Variants in CCBE1 observed in about 807,000 individuals in gnomAD.
CCBE1 encodes collagen and calcium-binding EGF domain-containing protein 1.
In CCBE1, 37 loss-of-function variants were observed where a neutral mutation model predicts 50.0. The observed-to-expected ratio is 0.74, with a 90% confidence interval of 0.57 to 0.97. The LOEUF is 0.97. CCBE1 is among the 50% of genes least tolerant of loss of function. The probability of loss-of-function intolerance (pLI) is 0.00; values close to 1 mark genes in which losing one functional copy is unlikely to be tolerated. For synonymous variants in CCBE1, 234 were observed against 203.7 expected, an observed-to-expected ratio of 1.15 and a Z score of -1.27; for missense variants, 538 against 523.8, an observed-to-expected ratio of 1.03 and a Z score of -0.26.
chr18:59,639,066 G>A (rs1293424266), intron 2 of CCBE1, among the ~76,000 whole-genome samples: 3 of 152,158 alleles, frequency 2.0e-5, no homozygotes, highest in Admixed American at 2.0e-4. Flanking sequence ...TTGGGCCCAG[G>A]AGTTTGAGAC....
intron 2 of CCBE1, among the ~76,000 whole-genome samples, chr18:59,522,782 G>C (rs1006589532): frequency 7.9e-5 from 12 of 152,048 alleles, no homozygotes; most frequent in Non-Finnish European, 1.0e-4. Flanking sequence ...GAGGTCAGGA[G>C]ATCAAGACCA....
chr18:59,597,736 G>C (rs1330135623), intron 2 of CCBE1, among the ~76,000 whole-genome samples: 1 of 152,140 alleles, frequency 6.6e-6, no homozygotes, highest in African/African-American at 2.4e-5. Context: ...GCCCACCTCT[G>C]TGTTGGCTTC....
At chr18:59,627,631 G>A (rs959145006) in intron 2 of CCBE1, among the ~76,000 whole-genome samples, 2 of 152,164 alleles carry the variant, frequency 1.3e-5, no homozygotes, top group Non-Finnish European at 2.9e-5. Context: ...AACCCAGAAA[G>A]AATTCCATGT....
chr18:59,653,954 T>A (rs2054156391), intron 2 of CCBE1, among the ~76,000 whole-genome samples: 1 of 152,206 alleles, frequency 6.6e-6, no homozygotes, highest in African/African-American at 2.4e-5. Context: ...ATAAAACTAC[T>A]GATGCTAGAG....
chr18:59,463,858 T>C (rs1315176562), intron 5 of CCBE1, among the ~76,000 whole-genome samples: 2 of 152,140 alleles, frequency 1.3e-5, no homozygotes, highest in Admixed American at 6.5e-5. Flanking sequence ...AAAGAGACAA[T>C]GGACTTGCCA....
Position 59,579,828 on chromosome 18 carries a change from C to T in CCBE1, c.213-99590G>A, listed in dbSNP as rs530555040. ...TACTGGCACATGCTGACCTGACTTCCCCGACTGAGACAGAACACACCTCGA... is the reference window on the plus strand; with the variant it reads ...TACTGGCACATGCTGACCTGACTTCTCCGACTGAGACAGAACACACCTCGA... On this transcript the variant is annotated intron_variant, in intron 2 of 10. Coordinates refer to ENST00000439986, the MANE Select transcript of CCBE1 (RefSeq NM_133459.4). Among the ~76,000 whole-genome samples, 4 of 152,256 alleles carry T rather than the reference C, an allele frequency of 2.6e-5. No individual in the cohort carries two copies. The South Asian group carries it at 8.3e-4, about 32-fold the overall frequency.
At chr18:59,580,868 A>T (rs2053074344) in intron 2 of CCBE1, among the ~76,000 whole-genome samples, 1 of 152,258 alleles carries the variant, frequency 6.6e-6, no homozygotes, top group Non-Finnish European at 1.5e-5. Context: ...TGGCCATGAC[A>T]TGCTGGCCAC....
chr18:59,539,410 C>G (rs912602043), intron 2 of CCBE1, among the ~76,000 whole-genome samples: 2 of 152,120 alleles, frequency 1.3e-5, no homozygotes, highest in Admixed American at 6.5e-5. Flanking sequence ...TGCCAATAAC[C>G]ATATGAGCCT....
At chr18:59,451,394 T>G (rs1910923253) in intron 6 of CCBE1, among the ~76,000 whole-genome samples, 1 of 127,668 alleles carries the variant, frequency 7.8e-6, no homozygotes, top group African/African-American at 3.1e-5. Context: ...AATTTCACTC[T>G]CAAATCCGAT....
chr18:59,504,910 C>A (rs1326015500), intron 2 of CCBE1, among the ~76,000 whole-genome samples: 1 of 152,100 alleles, frequency 6.6e-6, no homozygotes, highest in Non-Finnish European at 1.5e-5. Flanking sequence ...TCACAGGTAG[C>A]AAATCACAGC....
intron 7 of CCBE1, among the ~76,000 whole-genome samples, chr18:59,442,974 G>A (rs1218703503): frequency 2.0e-5 from 3 of 151,270 alleles, no homozygotes; most frequent in South Asian, 4.2e-4. Flanking sequence ...GCCCATCTCT[G>A]TAGAGGTTGA....
chr18:59,435,252 T>C lies in CCBE1; in HGVS notation c.*656A>G, dbSNP rs1910098824. The C allele has an allele frequency of 6.5e-6, 1 of 153,840 alleles. No homozygotes were observed. The highest frequency in any genetic ancestry group is 2.0e-4 in the South Asian group (1 of 4,952). 9.5% of individuals were successfully genotyped at this position (153,840 alleles called of 1,614,324 possible). The stretch of plus-strand genomic sequence containing the variant: ...TTGAATTTTAGAATGTGGCAATCTA[T>C]ATAACAGTAAATATATGACTGTGAT... On this transcript the variant is annotated 3_prime_UTR_variant, in exon 11 of 11. Transcript: ENST00000439986.
At chr18:59,634,963 G>C (rs1004313412) in intron 2 of CCBE1, among the ~76,000 whole-genome samples, 1 of 152,094 alleles carries the variant, frequency 6.6e-6, no homozygotes, top group East Asian at 1.9e-4. Flanking sequence ...AAACCCAAGA[G>C]AAAGAAGAAA....
rs140645222 is a variant in CCBE1, at chr18:59,587,534, C to T, written c.213-107296G>A. On this transcript the variant is annotated intron_variant, in intron 2 of 10. Transcript: ENST00000439986. ...AGAACATGTTATAGGAACTAACAGACTCCATTTTCAAGAGCTTAACATATA... is the reference window on the plus strand; with the variant it reads ...AGAACATGTTATAGGAACTAACAGATTCCATTTTCAAGAGCTTAACATATA... Among the ~76,000 whole-genome samples, 1,061 of 152,310 alleles carry T rather than the reference C, an allele frequency of 7.0e-3. 11 individuals carry two copies. Among genetic ancestry groups the T allele is most frequent in the African/African-American group, 0.024 (978 of 41,570 alleles).
intron 5 of CCBE1, chr18:59,464,749 C>T (rs1387158364): frequency 1.3e-5 from 2 of 152,308 alleles, no homozygotes; most frequent in Admixed American, 6.5e-5. Flanking sequence ...AGCTGGTCCT[C>T]AGCTGTTTGC....
At position 59,545,493 on chromosome 18, in the gene CCBE1, T is replaced by C. The variant is rs148495193; in HGVS notation, c.213-65255A>G. On this transcript the variant is annotated intron_variant, in intron 2 of 10. Transcript: ENST00000439986. ...ACCATTCCACGTCAGTATATACAGA[T>C]TTAACTCATCTTATTATGGCTTCTA... 2.0e-4 allele frequency among the ~76,000 whole-genome samples: 30 copies of C among 152,358 alleles called. No homozygotes were observed. In the East Asian group the frequency reaches 5.6e-3, roughly 28 times the overall value.
intron 2 of CCBE1, among the ~76,000 whole-genome samples, chr18:59,643,106 ACTC>A (rs937698384): frequency 1.3e-4 from 19 of 151,780 alleles, no homozygotes; most frequent in African/African-American, 4.4e-4. Flanking sequence ...CACTCTGATG[ACTC>A]CTCATCAACT....
intron 2 of CCBE1, among the ~76,000 whole-genome samples, chr18:59,522,459 G>C (rs1914640948): frequency 6.6e-6 from 1 of 152,156 alleles, no homozygotes; most frequent in Non-Finnish European, 1.5e-5. Context: ...TTTAAGAAAA[G>C]TTAATAAAAA....
chr18:59,547,155 A>G lies in CCBE1; in HGVS notation c.213-66917T>C, dbSNP rs199613506. On this transcript the variant is annotated intron_variant, in intron 2 of 10. Transcript: ENST00000439986. ...AGAGAGGGGAGAGAGAGGGAGGGAG[A>G]GGGAAAAGGAGAGGGAGAGAGAGGC... Among the ~76,000 whole-genome samples the G allele has an allele frequency of 3.4e-5, 5 of 148,920 alleles. No individual in the cohort carries two copies. In the East Asian group the frequency reaches 9.9e-4, roughly 30 times the overall value.
Sources: gnomAD v4.1 joint callset for allele counts (sites outside exome capture counted in the v4.1 genomes callset) on GRCh38, gnomAD v4.1.1 for gene constraint, MANE v1.5 for transcripts, NCBI Gene and HGNC (gene_info 2026-07-23, HGNC 2026-07-21) for gene names.